The following HECTD2 variants were observed in gnomAD, a reference collection of about 807,000 sequenced individuals.
The protein encoded by HECTD2 is HECT domain E3 ubiquitin protein ligase 2.
Under a neutral mutation model 103.2 loss-of-function variants are expected in HECTD2, and 35 were observed. That is an observed-to-expected ratio of 0.34 (90% CI 0.26 to 0.45). The LOEUF is 0.45. Ranked by LOEUF, HECTD2 falls within the 20% of genes least tolerant of loss-of-function variation. The probability of loss-of-function intolerance (pLI) is 1.00; values close to 1 mark genes in which losing one functional copy is unlikely to be tolerated. For missense variants in HECTD2, 596 were observed against 937.4 expected (o/e 0.64, Z 4.76); for synonymous variants, 281 against 329.9 (o/e 0.85, Z 1.61).
intron 12 of HECTD2, among the ~76,000 whole-genome samples, chr10:91,491,910 C>G (rs1162027300): frequency 6.6e-6 from 1 of 152,082 alleles, no homozygotes; most frequent in Non-Finnish European, 1.5e-5. Context: ...AATCAAAGCT[C>G]ACTGCCGCCT....
At chr10:91,506,876 TAA>T (rs1254889726) in intron 20 of HECTD2, among the ~76,000 whole-genome samples, 2 of 148,820 alleles carry the variant, frequency 1.3e-5, no homozygotes. Flanking sequence ...AAATCCTCAA[TAA>T]AATACTGGCA....
intron 14 of HECTD2, among the ~76,000 whole-genome samples, chr10:91,495,431 G>T (rs986267662): frequency 1.3e-5 from 2 of 151,884 alleles, no homozygotes; most frequent in African/African-American, 4.8e-5. Flanking sequence ...ATTTTTAAAA[G>T]TTATTTTCAG....
At chr10:91,409,775 C>T (rs1239008421), upstream of HECTD2, among the ~76,000 whole-genome samples, 1 of 152,072 alleles carries the variant, frequency 6.6e-6, no homozygotes. Flanking sequence ...CTCAGGAGGG[C>T]GGGCAAGGAT....
intron 2 of HECTD2, among the ~76,000 whole-genome samples, chr10:91,439,959 A>C (rs1020022385): frequency 6.6e-6 from 1 of 152,074 alleles, no homozygotes; most frequent in Non-Finnish European, 1.5e-5. Flanking sequence ...CTGAAGTTGC[A>C]TATCAGCTTA....
rs1438962261 is a variant in HECTD2, at chr10:91,487,999, T to A, written c.1191+221T>A. ...TCAACTTCTCATTATATTATAAATA[T>A]AGTAGGAAGAGTAAATGCTTCTCAC... On this transcript the variant is annotated intron_variant, in intron 11 of 20. Transcript: ENST00000298068. This position sits in a 1 kb window ranked among gnomAD's most constrained non-coding sequence, Gnocchi z 4.1. The A allele has an allele frequency of 6.3e-6, 2 of 314,970 alleles. No individual in the cohort carries two copies. The highest frequency in any genetic ancestry group is 1.2e-5 in the Non-Finnish European group (2 of 171,540). 19.5% of individuals were successfully genotyped at this position (314,970 alleles called of 1,614,324 possible).
At chr10:91,497,205 G>A (rs1364394767) in intron 15 of HECTD2, among the ~76,000 whole-genome samples, 1 of 142,900 alleles carries the variant, frequency 7.0e-6, no homozygotes, top group Non-Finnish European at 1.5e-5. Flanking sequence ...CGAACTCATG[G>A]CCTCAAGTGA....
chr10:91,423,406 T>C (rs1168663960), intron 1 of HECTD2, among the ~76,000 whole-genome samples: 2 of 152,150 alleles, frequency 1.3e-5, no homozygotes, highest in African/African-American at 4.8e-5. Flanking sequence ...ATGACTTGTT[T>C]CCTAACACAG....
intron 2 of HECTD2, among the ~76,000 whole-genome samples, chr10:91,444,472 T>G (rs1431608408): frequency 6.6e-6 from 1 of 152,186 alleles, no homozygotes; most frequent in East Asian, 1.9e-4. Context: ...TGAAGAGTCA[T>G]GCAGAATGTT....
At chr10:91,409,710 G>A (rs1842835616), upstream of HECTD2, among the ~76,000 whole-genome samples, 1 of 152,184 alleles carries the variant, frequency 6.6e-6, no homozygotes, top group African/African-American at 2.4e-5. Flanking sequence ...GTCGGTTGCT[G>A]AGCCAGGAAG....
At chr10:91,412,676 G>GTGTA (rs1842972964) in intron 1 of HECTD2, among the ~76,000 whole-genome samples, 1 of 151,070 alleles carries the variant, frequency 6.6e-6, no homozygotes, top group Admixed American at 6.6e-5. Flanking sequence ...GAATGTGTGT[G>GTGTA]TGTGTGTGTG....
chr10:91,478,351 T>TC, intron 6 of HECTD2, 86 bp downstream of exon 6: 1 of 801,250 alleles, frequency 1.2e-6, no homozygotes, highest in Non-Finnish European at 2.1e-6. Context: ...GTATGTATTT[T>TC]ACTCTCAGAA....
chr10:91,498,825 G>A, intron 16 of HECTD2, 47 bp from the exon 17 acceptor site: 2 of 1,152,448 alleles, frequency 1.7e-6, no homozygotes, highest in South Asian at 1.4e-5. Context: ...ACCAAAGTAT[G>A]TTATTATATC....
chr10:91,444,240 G>C (rs965581260), intron 2 of HECTD2, among the ~76,000 whole-genome samples: 13 of 152,032 alleles, frequency 8.6e-5, no homozygotes, highest in Non-Finnish European at 1.9e-4. Flanking sequence ...CACACACAGA[G>C]CATATATACA....
chr10:91,469,847 C>G (rs778315505), intron 5 of HECTD2, among the ~76,000 whole-genome samples: 2 of 152,116 alleles, frequency 1.3e-5, no homozygotes, highest in African/African-American at 2.4e-5. Context: ...ACAGTGACAT[C>G]CATAGGCTCA....
chr10:91,449,102 G>C (rs557679773), intron 2 of HECTD2, among the ~76,000 whole-genome samples: 1 of 151,600 alleles, frequency 6.6e-6, no homozygotes, highest in East Asian at 1.9e-4. Context: ...CAATATCCCT[G>C]ATGAACATGG....
At chr10:91,503,266 G>A (rs115067310) in intron 20 of HECTD2, among the ~76,000 whole-genome samples, 1,708 of 152,254 alleles carry the variant, frequency 0.011, 35 homozygotes, top group African/African-American at 0.039. Flanking sequence ...CAAAAAATGA[G>A]GGAGGAGCCA....
chr10:91,487,573 A>G lies in HECTD2; in HGVS notation c.1095-109A>G. 1.3e-6 allele frequency: 1 copy of G among 766,286 alleles called. No individual in the cohort carries two copies. Among genetic ancestry groups the G allele is most frequent in the South Asian group, 1.4e-5 (1 of 71,654 alleles). 47.5% of individuals were successfully genotyped at this position (766,286 alleles called of 1,614,324 possible). ...ATCATTTTGTATATGGTAAAACACA[A>G]TCCAAAAGTAATGTTTTATATTGCT... On this transcript the variant is annotated intron_variant, in intron 10 of 20. Coordinates refer to ENST00000298068, the MANE Select transcript of HECTD2 (RefSeq NM_182765.6). The surrounding 1 kb of genome is among the most constrained non-coding windows in gnomAD (Gnocchi z 4.1).
chr10:91,462,347 CTTTT>C (rs973883523), intron 5 of HECTD2, 163 bp downstream of exon 5: 17 of 1,095,964 alleles, frequency 1.6e-5, no homozygotes, highest in African/African-American at 8.2e-5. Flanking sequence ...TTATTTTATT[CTTTT>C]ATTTTTTAAT....
intron 2 of HECTD2, among the ~76,000 whole-genome samples, chr10:91,439,910 T>A (rs1238744917): frequency 1.3e-5 from 2 of 152,136 alleles, no homozygotes; most frequent in Non-Finnish European, 2.9e-5. Flanking sequence ...TAGGAATGCT[T>A]GTGATTTTTG....
Sources: gnomAD v4.1 joint callset for allele counts (sites outside exome capture counted in the v4.1 genomes callset) on GRCh38, gnomAD v4.1.1 for gene constraint, Gnocchi (gnomAD v3.1) non-coding constraint, MANE v1.5 for transcripts, NCBI Gene and HGNC (gene_info 2026-07-23, HGNC 2026-07-21) for gene names.